Variants in ACADSB observed in about 807,000 individuals in gnomAD.
ACADSB encodes the protein short/branched chain specific acyl-CoA dehydrogenase, mitochondrial.
ACADSB carries 40 observed loss-of-function variants against 54.1 expected under a neutral mutation model. That is an observed-to-expected ratio of 0.74 (90% confidence interval 0.57 to 0.96). ACADSB has a LOEUF of 0.96. Among genes scored for constraint, ACADSB ranks in the 40% least tolerant of loss-of-function variants. The probability of loss-of-function intolerance (pLI) is 0.00; values close to 1 mark genes in which losing one functional copy is unlikely to be tolerated. For synonymous variants in ACADSB, 182 were observed against 182.8 expected, an observed-to-expected ratio of 1.00 and a Z score of 0.03; for missense variants, 530 against 510.4, an observed-to-expected ratio of 1.04 and a Z score of -0.37.
intron 1 of ACADSB, among the ~76,000 whole-genome samples, chr10:123,024,738 AGCAGCTCGTGGGGCTGGGCCCAAGCAG>A (rs1232367569): frequency 2.6e-5 from 4 of 152,232 alleles, no homozygotes; most frequent in Non-Finnish European, 5.9e-5. Flanking sequence ...GGCCCAAGCA[AGCAGCTCGTGGGGCTGGGCCCAAGCAG>A]GCAGCTCAAG....
At chr10:123,043,193 G>C in intron 6 of ACADSB, 22 bp downstream of exon 6, 1 of 1,612,638 alleles carries the variant, frequency 6.2e-7, no homozygotes, top group Non-Finnish European at 8.5e-7. Context: ...AGACTAATCA[G>C]TAAAAGACTG....
At position 123,052,545 on chromosome 10, in the gene ACADSB, A is replaced by G. The variant is rs1041123325; in HGVS notation, c.1129-516A>G. Reference sequence around the variant, plus strand: ...CTCGTGTCCTTACCCACATCTGCAGAGTCCCTATTGCCATGGAAGGCAGCA... The same window carrying G: ...CTCGTGTCCTTACCCACATCTGCAGGGTCCCTATTGCCATGGAAGGCAGCA... On this transcript the variant is annotated intron_variant, in intron 9 of 10. Transcript: ENST00000358776. The surrounding 1 kb of genome is among the most constrained non-coding windows in gnomAD (Gnocchi z 4.2). Among the ~76,000 whole-genome samples the G allele has an allele frequency of 6.6e-6, 1 of 152,174 alleles. No homozygotes were observed. The highest frequency in any genetic ancestry group is 1.5e-5 in the Non-Finnish European group (1 of 68,044).
intron 1 of ACADSB, among the ~76,000 whole-genome samples, chr10:123,028,072 C>G (rs1489560226): frequency 6.6e-6 from 1 of 152,170 alleles, no homozygotes; most frequent in Non-Finnish European, 1.5e-5. Context: ...CTTGATTCAT[C>G]TGGGTATGCC....
chr10:123,043,217 C>G (rs1028011063), intron 6 of ACADSB, 46 bp downstream of exon 6: 1 of 1,609,668 alleles, frequency 6.2e-7, no homozygotes, highest in Non-Finnish European at 8.5e-7. Context: ...CGAAATAAGC[C>G]TTGCATGGAA....
chr10:123,023,702 G>A (rs1437521862), intron 1 of ACADSB, among the ~76,000 whole-genome samples: 1 of 152,196 alleles, frequency 6.6e-6, no homozygotes, highest in Non-Finnish European at 1.5e-5. Flanking sequence ...CAGCACTAAA[G>A]GAGAGCATCC....
In ACADSB at chr10:123,053,756, A is replaced by G; in HGVS notation, c.1290A>G (p.Ala430=). The G allele has an allele frequency of 6.2e-7, 1 of 1,613,794 alleles. No homozygotes were observed. The highest frequency in any genetic ancestry group is 8.5e-7 in the Non-Finnish European group (1 of 1,179,638). The change falls in exon 11 of 11, where the codon GCA becomes GCG. Residue 430 remains alanine (A), a synonymous_variant. Coordinates refer to ENST00000358776, the MANE Select transcript of ACADSB (RefSeq NM_001609.4). ...ACACCATTGCAAAGCATATCGATGC[A>G]GAATACTGACGTCTATAGGAGTGGG... ...QLNTIAKHID[A]EY is the part of the protein sequence containing the mutation.
At chr10:123,015,764 T>G (rs1022873774) in intron 1 of ACADSB, among the ~76,000 whole-genome samples, 1 of 152,236 alleles carries the variant, frequency 6.6e-6, no homozygotes, top group Non-Finnish European at 1.5e-5. Context: ...ATTGAGATTT[T>G]AAGGTGCTGT....
chr10:123,013,491 G>C (rs1164802321), intron 1 of ACADSB, among the ~76,000 whole-genome samples: 1 of 152,234 alleles, frequency 6.6e-6, no homozygotes, highest in African/African-American at 2.4e-5. Flanking sequence ...CCAGTCTCGC[G>C]CCTCGTGCCT....
At chr10:123,012,406 C>CT (rs1850048065) in intron 1 of ACADSB, among the ~76,000 whole-genome samples, 1 of 152,136 alleles carries the variant, frequency 6.6e-6, no homozygotes, top group Non-Finnish European at 1.5e-5. Context: ...GTGGTGGGGC[C>CT]TAATGGGAAG....
chr10:123,018,207 C>T (rs988887330), intron 1 of ACADSB, among the ~76,000 whole-genome samples: 5 of 152,078 alleles, frequency 3.3e-5, no homozygotes, highest in African/African-American at 1.2e-4. Flanking sequence ...CATAATAATC[C>T]TATCTTTTAA....
At position 123,044,401 on chromosome 10, in the gene ACADSB, A is replaced by G. The variant is rs202126056; in HGVS notation, c.816A>G (p.Glu272=). Residue 272 remains glutamate (E), a synonymous_variant, in exon 7 of 11, where the codon GAA becomes GAG. Transcript: ENST00000358776. The part of the protein sequence containing the change: ...PLTFENVKVP[E]ANILGQIGHG... Reference sequence around the variant, plus strand: ...CACATTTGTATTTTCAGGTTCCAGAAGCCAATATCTTGGGACAAATTGGAC... The same window carrying G: ...CACATTTGTATTTTCAGGTTCCAGAGGCCAATATCTTGGGACAAATTGGAC... The G allele has an allele frequency of 2.7e-5, 44 of 1,612,212 alleles. No individual in the cohort carries two copies. Among genetic ancestry groups the G allele is most frequent in the Non-Finnish European group, 3.6e-5 (42 of 1,178,366 alleles).
chr10:123,034,565 G>T, intron 2 of ACADSB, 50 bp downstream of exon 2: 1 of 1,577,096 alleles, frequency 6.3e-7, no homozygotes, highest in South Asian at 1.1e-5. Flanking sequence ...AGGATCTCTG[G>T]AGCATAGTGG....
intron 4 of ACADSB, 150 bp downstream of exon 4, chr10:123,040,822 G>A: frequency 1.3e-6 from 1 of 785,966 alleles, no homozygotes; most frequent in Non-Finnish European, 2.1e-6. Context: ...AATTAATGCT[G>A]CTGGAAAAGT....
At chr10:123,047,164 T>G (rs201720953) in intron 7 of ACADSB, 45 bp from the exon 8 acceptor site, 6 of 1,460,680 alleles carry the variant, frequency 4.1e-6, no homozygotes, top group Non-Finnish European at 5.7e-6. Context: ...TAATTAAACT[T>G]ATAACAAAAT....
At chr10:123,018,849 G>A (rs1465079980) in intron 1 of ACADSB, among the ~76,000 whole-genome samples, 3 of 152,074 alleles carry the variant, frequency 2.0e-5, no homozygotes, top group Admixed American at 6.6e-5. Flanking sequence ...GAACAACACA[G>A]GAACAACCCG....
chr10:123,046,389 C>T (rs940463754), intron 7 of ACADSB, among the ~76,000 whole-genome samples: 12 of 152,064 alleles, frequency 7.9e-5, no homozygotes, highest in Non-Finnish European at 1.3e-4. Flanking sequence ...AATTTAGAAA[C>T]GATTTCTAAG....
At position 123,035,147 on chromosome 10, in the gene ACADSB, G is replaced by A. The variant is rs547925840; in HGVS notation, c.202+632G>A. On this transcript the variant is annotated intron_variant, in intron 2 of 10. Transcript: ENST00000358776. ...TTGTATTTTGTTTTTTAGTACAGAC[G>A]TGGTTTCACCGTGTTAGTCAGGATG... Among the ~76,000 whole-genome samples, 12 of 152,084 alleles carry A rather than the reference G, an allele frequency of 7.9e-5. No individual in the cohort carries two copies. The East Asian group carries it at 2.1e-3, about 27-fold the overall frequency.
intron 1 of ACADSB, among the ~76,000 whole-genome samples, chr10:123,016,475 T>G (rs1005892519): frequency 2.0e-5 from 3 of 152,264 alleles, no homozygotes; most frequent in Non-Finnish European, 4.4e-5. Context: ...GCAGCTACTG[T>G]TACAGGCGCA....
intron 9 of ACADSB, 57 bp from the exon 10 acceptor site, chr10:123,053,004 G>T: frequency 7.3e-7 from 1 of 1,374,280 alleles, no homozygotes; most frequent in South Asian, 1.2e-5. Flanking sequence ...ACCCAGAAGT[G>T]TTTATCATGT....
Sources: gnomAD v4.1 joint callset for allele counts (sites outside exome capture counted in the v4.1 genomes callset) on GRCh38, gnomAD v4.1.1 for gene constraint, Gnocchi (gnomAD v3.1) non-coding constraint, MANE v1.5 for transcripts, NCBI Gene and HGNC (gene_info 2026-07-23, HGNC 2026-07-21) for gene names.